Variants in PLEKHD1 observed in about 807,000 individuals in gnomAD.
The protein encoded by PLEKHD1 is pleckstrin homology domain-containing family D member 1.
PLEKHD1 carries 51 observed loss-of-function variants against 69.2 expected under a neutral mutation model. The ratio of observed to expected loss-of-function variants is 0.74; its 90% CI spans 0.59 to 0.93. The LOEUF is 0.93. PLEKHD1 is among the 40% of genes least tolerant of loss of function. The pLI is 0.00. For synonymous variants in PLEKHD1, 236 were observed against 244.7 expected (o/e 0.96, Z 0.33); for missense variants, 584 against 641.0 (o/e 0.91, Z 0.96).
At chr14:69,472,812 G>T in the PLEKHD1 span, among the ~76,000 whole-genome samples, 3 of 152,194 alleles carry the variant, frequency 2.0e-5, no homozygotes, top group Admixed American at 2.0e-4. Flanking sequence ...CCACAGACCA[G>T]TACTGGTCCT....
chr14:69,520,977 C>T (rs1883500921), intron 6 of PLEKHD1, among the ~76,000 whole-genome samples: 1 of 152,120 alleles, frequency 6.6e-6, no homozygotes, highest in South Asian at 2.1e-4. Context: ...CATCAGAATG[C>T]CAGTGAGAGC....
chr14:69,485,033 T>G lies in PLEKHD1; in HGVS notation c.68T>G (p.Leu23Arg). 1 of 1,551,402 alleles carries G rather than the reference T, an allele frequency of 6.4e-7. No homozygotes were observed. The highest frequency in any genetic ancestry group is 1.4e-5 in the African/African-American group (1 of 73,168). The change falls in exon 1 of 13, where the codon CTG becomes CGG. Residue 23 changes from leucine to arginine, a missense_variant. Physicochemically the swap from Leu to Arg is moderately radical, Grantham distance 102. Transcript: ENST00000322564. ...CTGGAGCAGGCTGACTCGGACGCCC[T>G]GGATATCAGCACCAAAGTGCAGCTC... ...PSLEQADSDA[L>R]DISTKVQLYG...
At chr14:69,494,038 T>C (rs1882833664) in intron 1 of PLEKHD1, among the ~76,000 whole-genome samples, 1 of 152,180 alleles carries the variant, frequency 6.6e-6, no homozygotes, top group African/African-American at 2.4e-5. Context: ...GTAGCAGCCT[T>C]GTGAGCACAA....
intron 6 of PLEKHD1, among the ~76,000 whole-genome samples, chr14:69,515,606 T>G (rs1883367953): frequency 6.6e-6 from 1 of 152,182 alleles, no homozygotes; most frequent in Non-Finnish European, 1.5e-5. Flanking sequence ...TCTGCACAGC[T>G]TCTAGGGAGG....
At position 69,528,388 on chromosome 14, in the gene PLEKHD1, C is replaced by T. The variant is rs951798020; in HGVS notation, c.1490C>T (p.Ala497Val). Residue 497 changes from alanine (A) to valine (V), a missense_variant, in exon 13 of 13, where the codon GCC becomes GTC. Coordinates refer to ENST00000322564, the MANE Select transcript of PLEKHD1 (RefSeq NM_001161498.2). Reference protein sequence around the residue: ...IYHIMATQPGAPSALSRGGK With the variant: ...IYHIMATQPGVPSALSRGGK ...CACATCATGGCCACCCAGCCTGGAG[C>T]CCCCTCGGCACTCTCCCGGGGTGGA... 18 of 1,551,264 alleles carry T rather than the reference C, an allele frequency of 1.2e-5. No individual in the cohort carries two copies. The Admixed American group carries it at 3.1e-4, about 27-fold the overall frequency.
At chr14:69,468,023 G>A in the PLEKHD1 span, among the ~76,000 whole-genome samples, 6 of 152,106 alleles carry the variant, frequency 3.9e-5, no homozygotes, top group Non-Finnish European at 1.5e-5. Context: ...TGCTGGTTTC[G>A]ATCAACCCCA....
At chr14:69,485,235 C>G in intron 1 of PLEKHD1, 121 bp downstream of exon 1, 1 of 1,160,398 alleles carries the variant, frequency 8.6e-7, no homozygotes, top group Non-Finnish European at 1.2e-6. Flanking sequence ...GGCGTCACCC[C>G]TTTTCACTCT....
chr14:69,500,480 G>T, intron 2 of PLEKHD1, 97 bp from the exon 3 acceptor site: 1 of 964,368 alleles, frequency 1.0e-6, no homozygotes, highest in African/African-American at 1.7e-5. Flanking sequence ...CCATCCTGGG[G>T]CACTTGGCAG....
At chr14:69,499,618 G>A (rs1310205146) in intron 1 of PLEKHD1, among the ~76,000 whole-genome samples, 2 of 152,210 alleles carry the variant, frequency 1.3e-5, no homozygotes, top group African/African-American at 4.8e-5. Context: ...AGGAGACTGG[G>A]GAGCAGCCTG....
upstream of PLEKHD1, among the ~76,000 whole-genome samples, chr14:69,481,483 T>C (rs1272234508): frequency 2.0e-5 from 3 of 152,190 alleles, no homozygotes; most frequent in Non-Finnish European, 4.4e-5. Flanking sequence ...AGACTGAAAG[T>C]GGTCTAGTAT....
chr14:69,517,889 T>A (rs1164352842), intron 6 of PLEKHD1, among the ~76,000 whole-genome samples: 1 of 152,184 alleles, frequency 6.6e-6, no homozygotes, highest in African/African-American at 2.4e-5. Flanking sequence ...TAGAACCATG[T>A]CCCTGTCCTG....
At position 69,528,324 on chromosome 14, in the gene PLEKHD1, C is replaced by A. The variant is rs377201116; in HGVS notation, c.1426C>A (p.Arg476=). 1.3e-6 allele frequency: 2 copies of A among 1,551,580 alleles called. No homozygotes were observed. The highest frequency in any genetic ancestry group is 1.2e-5 in the South Asian group (1 of 84,070). ...GGAGGAGCTAAAGGAGGTGGCCAAG[C>A]GGCTCAGCAGGGACCAGCGCTTCCG... is the stretch of plus-strand genomic sequence containing the variant. The part of the protein sequence containing the change: ...NMEELKEVAK[R]LSRDQRFRES... Residue 476 remains arginine (R), a synonymous_variant, in exon 13 of 13, where the codon CGG becomes AGG. Coordinates refer to ENST00000322564, the MANE Select transcript of PLEKHD1 (RefSeq NM_001161498.2).
chr14:69,501,696 C>A (rs1212049363), intron 4 of PLEKHD1, 38 bp from the exon 5 acceptor site: 3 of 1,443,414 alleles, frequency 2.1e-6, no homozygotes, highest in African/African-American at 2.9e-5. Flanking sequence ...CTGTTTCTTC[C>A]TCTTCTCTCC....
At chr14:69,479,365 C>A in the PLEKHD1 span, among the ~76,000 whole-genome samples, 1 of 152,148 alleles carries the variant, frequency 6.6e-6, no homozygotes, top group Non-Finnish European at 1.5e-5. Context: ...GGAATGGGAC[C>A]CAGCAGAGGG....
chr14:69,493,708 T>C (rs1334458570), intron 1 of PLEKHD1, among the ~76,000 whole-genome samples: 1 of 152,218 alleles, frequency 6.6e-6, no homozygotes, highest in Admixed American at 6.5e-5. Flanking sequence ...GCCACTCTCT[T>C]AGCAAGGTGA....
intron 9 of PLEKHD1, among the ~76,000 whole-genome samples, 199 bp from the exon 10 acceptor site, chr14:69,526,498 T>C (rs1291611585): frequency 6.6e-6 from 1 of 152,120 alleles, no homozygotes; most frequent in African/African-American, 2.4e-5. Context: ...TCCAGTCTTC[T>C]GACTCTAAAC....
intron 1 of PLEKHD1, among the ~76,000 whole-genome samples, chr14:69,485,528 C>T (rs1183518408): frequency 1.3e-5 from 2 of 151,892 alleles, no homozygotes; most frequent in African/African-American, 4.8e-5. Context: ...ACCCAGGCCG[C>T]GAGGACCGGG....
rs1441178527 is a variant in PLEKHD1, at chr14:69,530,354, A to T, written c.*1935A>T. ...GGCTGAGTCAGTTTGGAATAAATGC[A>T]TTTGACAGGGCTGAGCCTAAATGTA... On this transcript the variant is annotated 3_prime_UTR_variant, in exon 13 of 13. Coordinates refer to ENST00000322564, the MANE Select transcript of PLEKHD1 (RefSeq NM_001161498.2). The T allele has an allele frequency of 6.6e-6, 1 of 152,234 alleles. No homozygotes were observed. The allele number at this position is 152,234 out of a possible 1,614,324, so 9.4% of individuals were successfully genotyped here.
Position 69,500,671 on chromosome 14 carries a change from G to C in PLEKHD1, c.333+5G>C. 6.4e-7 allele frequency: 1 copy of C among 1,550,962 alleles called. No individual in the cohort carries two copies. On this transcript the variant is annotated splice_donor_5th_base_variant and intron_variant, in intron 3 of 12. Coordinates refer to ENST00000322564, the MANE Select transcript of PLEKHD1 (RefSeq NM_001161498.2). ...ATCTCCCACCAGGACTTCCATGTGA[G>C]TAAAGCTCTTCCCTCAGCCTGGGCT...
Sources: allele counts gnomAD v4.1 joint callset (sites outside exome capture counted in the v4.1 genomes callset), GRCh38; gene constraint gnomAD v4.1.1; transcripts MANE v1.5; gene names NCBI Gene and HGNC (gene_info 2026-07-23, HGNC 2026-07-21).